The following PARD3B variants were observed in gnomAD, a reference collection of about 807,000 sequenced individuals.
PARD3B encodes partitioning defective 3 homolog B.
A neutral mutation model predicts 130.2 loss-of-function variants in PARD3B; 103 were observed. The observed-to-expected ratio is 0.79, with a 90% CI of 0.67 to 0.93. PARD3B has a LOEUF of 0.93. Among genes scored for constraint, PARD3B ranks in the 40% least tolerant of loss-of-function variants. The pLI is 0.00. For synonymous variants in PARD3B, 583 were observed against 553.2 expected, an observed-to-expected ratio of 1.05 and a Z score of -0.76; for missense variants, 1,609 against 1,499.2, an observed-to-expected ratio of 1.07 and a Z score of -1.21.
chr2:205,251,096 CAT>C (rs954760682), intron 16 of PARD3B, among the ~76,000 whole-genome samples: 4 of 152,178 alleles, frequency 2.6e-5, no homozygotes, highest in African/African-American at 9.7e-5. Context: ...GACACACACA[CAT>C]ATCAAGCTAT....
chr2:205,490,938 C>T (rs1214444690), intron 20 of PARD3B, among the ~76,000 whole-genome samples: 1 of 152,150 alleles, frequency 6.6e-6, no homozygotes, highest in Non-Finnish European at 1.5e-5. Context: ...ATATCCTTCG[C>T]CCACTTTTTG....
In PARD3B at chr2:205,116,163, G is replaced by A. The variant is rs556487602; in HGVS notation, c.680+2586G>A. Among the ~76,000 whole-genome samples the A allele has an allele frequency of 1.8e-4, 27 of 152,212 alleles. No individual in the cohort carries two copies. Among genetic ancestry groups the A allele is most frequent in the African/African-American group, 6.5e-4 (27 of 41,536 alleles). ...ACATAAAAAAAACACCAAAGTTCTT[G>A]CAACTAAAATGCAACTTAATTTTAT... On this transcript the variant is annotated intron_variant, in intron 6 of 22. Transcript: ENST00000406610. This position sits in a 1 kb window ranked among gnomAD's most constrained non-coding sequence, Gnocchi z 4.5.
At chr2:204,855,927 C>T (rs1004431194) in intron 2 of PARD3B, among the ~76,000 whole-genome samples, 1 of 152,150 alleles carries the variant, frequency 6.6e-6, no homozygotes, top group Non-Finnish European at 1.5e-5. Context: ...AAACATACCA[C>T]ATTTTCTTTA....
chr2:205,301,544 G>C lies in PARD3B; in HGVS notation c.2473G>C (p.Glu825Gln). The C allele has an allele frequency of 6.2e-7, 1 of 1,613,960 alleles. No individual in the cohort carries two copies. Among genetic ancestry groups the C allele is most frequent in the South Asian group, 1.1e-5 (1 of 91,062 alleles). Residue 825 changes from glutamate (E) to glutamine (Q), a missense_variant, in exon 18 of 23, where the codon GAG (glutamate) becomes CAG (glutamine). Physicochemically the swap from Glu to Gln is conservative, Grantham distance 29. Coordinates refer to ENST00000406610, the MANE Select transcript of PARD3B (RefSeq NM_001302769.2). The surrounding 1 kb of genome is among the most constrained non-coding windows in gnomAD (Gnocchi z 5.2). The stretch of plus-strand genomic sequence containing the variant: ...TGCCCCTCAGGGGAATTCGGAGCTA[G>C]AGGACATGGAAAATAAAGCCAGGAA... Reference protein sequence around the residue: ...ESAPQGNSELEDMENKARKVK... With the variant: ...ESAPQGNSELQDMENKARKVK...
At chr2:205,216,158 A>G (rs1044673699) in intron 15 of PARD3B, among the ~76,000 whole-genome samples, 3 of 152,164 alleles carry the variant, frequency 2.0e-5, no homozygotes, top group African/African-American at 7.2e-5. Context: ...GATACTTACC[A>G]TTAGGTTGAA....
chr2:205,479,054 A>G (rs947137714), intron 20 of PARD3B, among the ~76,000 whole-genome samples: 4 of 152,226 alleles, frequency 2.6e-5, no homozygotes, highest in Admixed American at 6.5e-5. Context: ...TCTTTAAACA[A>G]TGAACTGTCT....
At chr2:205,367,364 A>C (rs1440492153) in intron 18 of PARD3B, among the ~76,000 whole-genome samples, 1 of 152,196 alleles carries the variant, frequency 6.6e-6, no homozygotes, top group African/African-American at 2.4e-5. Context: ...AAGTGAGGGA[A>C]AGGGAGTGGA....
chr2:204,686,424 A>G, intron 2 of PARD3B, 142 bp downstream of exon 2: 1 of 643,092 alleles, frequency 1.6e-6, no homozygotes, highest in Non-Finnish European at 2.7e-6. Flanking sequence ...CAGCCCATAA[A>G]TCAAAGTTCT....
chr2:204,704,740 G>T (rs1414015755), intron 2 of PARD3B, among the ~76,000 whole-genome samples: 1 of 151,968 alleles, frequency 6.6e-6, no homozygotes, highest in Admixed American at 6.6e-5. Context: ...ATCTGAGGGG[G>T]CCACTAATTT....
At chr2:205,135,425 A>G (rs1323956412) in intron 10 of PARD3B, among the ~76,000 whole-genome samples, 2 of 152,236 alleles carry the variant, frequency 1.3e-5, no homozygotes, top group African/African-American at 4.8e-5. Context: ...TCCAGCTGTT[A>G]TCAAAGTAAA....
rs1264768775 is a variant in PARD3B, at chr2:204,906,225, A to G, written c.223-58927A>G. Reference sequence around the variant, plus strand: ...CATGGTAACTATTTGTCAAAAAGTAAAATGAACCCAGCTCTCTCTGTATGA... The same window carrying G: ...CATGGTAACTATTTGTCAAAAAGTAGAATGAACCCAGCTCTCTCTGTATGA... On this transcript the variant is annotated intron_variant, in intron 2 of 22. Coordinates refer to ENST00000406610, the MANE Select transcript of PARD3B (RefSeq NM_001302769.2). This position sits in a 1 kb window ranked among gnomAD's most constrained non-coding sequence, Gnocchi z 4.3. 2.0e-5 allele frequency among the ~76,000 whole-genome samples: 3 copies of G among 152,226 alleles called. No individual in the cohort carries two copies. Among genetic ancestry groups the G allele is most frequent in the Non-Finnish European group, 2.9e-5 (2 of 68,046 alleles).
At chr2:205,403,555 C>G (rs2046323392) in intron 19 of PARD3B, among the ~76,000 whole-genome samples, 4 of 152,082 alleles carry the variant, frequency 2.6e-5, no homozygotes, top group Non-Finnish European at 5.9e-5. Flanking sequence ...TTTCTTGTAG[C>G]TGAGTTTCTC....
intron 22 of PARD3B, among the ~76,000 whole-genome samples, chr2:205,559,192 T>C (rs1156536582): frequency 1.3e-5 from 2 of 152,196 alleles, no homozygotes; most frequent in African/African-American, 2.4e-5. Flanking sequence ...GTTGCCCACG[T>C]TGGAGTACAG....
At chr2:204,547,696 T>A (rs1160770765) in intron 1 of PARD3B, among the ~76,000 whole-genome samples, 1 of 152,228 alleles carries the variant, frequency 6.6e-6, no homozygotes, top group Non-Finnish European at 1.5e-5. Flanking sequence ...TTGAAGTTAC[T>A]TTTTAACTAT....
chr2:205,380,061 C>A, intron 18 of PARD3B, among the ~76,000 whole-genome samples: 1 of 127,498 alleles, frequency 7.8e-6, no homozygotes. Context: ...GAATGAGACT[C>A]TGCCTCAAAA....
intron 19 of PARD3B, among the ~76,000 whole-genome samples, chr2:205,402,515 C>G (rs1467039319): frequency 6.6e-6 from 1 of 152,150 alleles, no homozygotes; most frequent in Non-Finnish European, 1.5e-5. Context: ...GTAGCTCATA[C>G]TTACTTGGGA....
rs530466381 is a variant in PARD3B, at chr2:205,376,379, G to A, written c.2631-24634G>A. 9.9e-5 allele frequency among the ~76,000 whole-genome samples: 15 copies of A among 152,134 alleles called. No individual in the cohort carries two copies. The East Asian group carries it at 1.2e-3, about 12-fold the overall frequency. On this transcript the variant is annotated intron_variant, in intron 18 of 22. Coordinates refer to ENST00000406610, the MANE Select transcript of PARD3B (RefSeq NM_001302769.2). ...CCTTCTAAGATTCCATGGGTTGGAC[G>A]ACAGAGGCTGGGAGAGCAGCTGGCC...
At chr2:204,829,669 T>TAGTG (rs2043729175) in intron 2 of PARD3B, among the ~76,000 whole-genome samples, 1 of 152,110 alleles carries the variant, frequency 6.6e-6, no homozygotes, top group Admixed American at 6.5e-5. Context: ...GTTCTAGTGA[T>TAGTG]AGTGAGTGAG....
intron 1 of PARD3B, among the ~76,000 whole-genome samples, chr2:204,561,745 G>A (rs1365570376): frequency 7.9e-5 from 12 of 151,884 alleles, no homozygotes; most frequent in Admixed American, 7.2e-4. Flanking sequence ...ACAGGTGCAC[G>A]CTACCACGCC....
Sources: allele counts gnomAD v4.1 joint callset (sites outside exome capture counted in the v4.1 genomes callset), GRCh38; gene constraint gnomAD v4.1.1; non-coding constraint Gnocchi (gnomAD v3.1); transcripts MANE v1.5; gene names NCBI Gene and HGNC (gene_info 2026-07-23, HGNC 2026-07-21).